Variants in CDH18 observed in about 807,000 individuals in gnomAD.
CDH18 encodes cadherin-18.
A neutral mutation model predicts 67.9 loss-of-function variants in CDH18; 31 were observed. The observed-to-expected ratio is 0.46, with a 90% CI of 0.34 to 0.62. The LOEUF is 0.62. Among genes scored for constraint, CDH18 ranks in the 20% least tolerant of loss-of-function variants. The probability of loss-of-function intolerance (pLI) is 0.01; values close to 1 mark genes in which losing one functional copy is unlikely to be tolerated. For synonymous variants in CDH18, 362 were observed against 347.2 expected (o/e 1.04, Z -0.48); for missense variants, 890 against 975.5 (o/e 0.91, Z 1.17).
chr5:20,540,183 T>C (rs1756974630), intron 1 of CDH18, among the ~76,000 whole-genome samples: 1 of 152,174 alleles, frequency 6.6e-6, no homozygotes, highest in Non-Finnish European at 1.5e-5. Flanking sequence ...TAGAGAGACT[T>C]GTGTCTTCTA....
chr5:19,737,985 A>C (rs1768578673), intron 4 of CDH18, among the ~76,000 whole-genome samples: 1 of 152,158 alleles, frequency 6.6e-6, no homozygotes, highest in Non-Finnish European at 1.5e-5. Context: ...TTATGTAATG[A>C]ATAAGAATGA....
At chr5:20,046,618 T>TATATATAAA (rs1276227482) in intron 2 of CDH18, among the ~76,000 whole-genome samples, 1 of 148,254 alleles carries the variant, frequency 6.7e-6, no homozygotes, top group Non-Finnish European at 1.5e-5. Context: ...TATTTTATAT[T>TATATATAAA]ATATATAAAA....
At chr5:19,682,475 G>A (rs1471730204) in intron 5 of CDH18, among the ~76,000 whole-genome samples, 1 of 151,982 alleles carries the variant, frequency 6.6e-6, no homozygotes, top group Non-Finnish European at 1.5e-5. Flanking sequence ...ACCTTCAGCT[G>A]AATGGTACCC....
chr5:20,024,852 G>T (rs1338806999), intron 2 of CDH18, among the ~76,000 whole-genome samples: 1 of 152,142 alleles, frequency 6.6e-6, no homozygotes, highest in Non-Finnish European at 1.5e-5. Context: ...AATTATTCCA[G>T]GGTCAGATCC....
At chr5:19,836,274 A>G (rs2150013836) in intron 3 of CDH18, among the ~76,000 whole-genome samples, 1 of 152,042 alleles carries the variant, frequency 6.6e-6, no homozygotes, top group Non-Finnish European at 1.5e-5. Context: ...ACTAATTTAC[A>G]CTCCCACCAA....
At chr5:20,301,472 G>A (rs1225305729) in intron 1 of CDH18, among the ~76,000 whole-genome samples, 1 of 152,084 alleles carries the variant, frequency 6.6e-6, no homozygotes, top group African/African-American at 2.4e-5. Context: ...AGTGGCCTGC[G>A]TTCTGAGTGC....
chr5:20,493,119 C>T (rs77906925), intron 1 of CDH18, among the ~76,000 whole-genome samples: 5,064 of 151,862 alleles, frequency 0.033, 278 homozygotes, highest in African/African-American at 0.11. Context: ...GAGGCCTAGG[C>T]GGACAGATCA....
chr5:19,857,670 T>G (rs1411752013), intron 2 of CDH18, among the ~76,000 whole-genome samples: 2 of 152,110 alleles, frequency 1.3e-5, no homozygotes, highest in African/African-American at 4.8e-5. Flanking sequence ...AATAAGTATA[T>G]AAACTGAATA....
At chr5:19,506,489 T>C (rs575876820) in intron 10 of CDH18, among the ~76,000 whole-genome samples, 38 of 152,232 alleles carry the variant, frequency 2.5e-4, no homozygotes, top group African/African-American at 7.0e-4. Context: ...GGAGGCATCA[T>C]GCTACCTGAC....
chr5:19,798,572 C>G (rs75044138), intron 3 of CDH18, among the ~76,000 whole-genome samples: 1 of 151,508 alleles, frequency 6.6e-6, no homozygotes, highest in Non-Finnish European at 1.5e-5. Context: ...TGCTTTTTTT[C>G]CCTCATATTT....
intron 3 of CDH18, among the ~76,000 whole-genome samples, chr5:19,800,532 G>T (rs1050712044): frequency 1.3e-5 from 2 of 152,204 alleles, no homozygotes; most frequent in Non-Finnish European, 1.5e-5. Flanking sequence ...GAAAGTAATT[G>T]TAACCTATTA....
At chr5:19,918,868 AC>A (rs1169786111) in intron 2 of CDH18, among the ~76,000 whole-genome samples, 2 of 151,294 alleles carry the variant, frequency 1.3e-5, no homozygotes, top group Non-Finnish European at 2.9e-5. Context: ...TTTATAAGAA[AC>A]CTCTTTCATG....
chr5:20,046,676 G>A (rs999466721), intron 2 of CDH18, among the ~76,000 whole-genome samples: 4 of 149,194 alleles, frequency 2.7e-5, no homozygotes, highest in African/African-American at 7.3e-5. Flanking sequence ...GTGTGTGTGT[G>A]TATATATATA....
intron 2 of CDH18, among the ~76,000 whole-genome samples, chr5:20,019,044 A>G (rs35930608): frequency 0.12 from 16,954 of 143,486 alleles, 3,123 homozygotes; most frequent in African/African-American, 0.38. Context: ...TGATCCGCCC[A>G]TCTCGGCCTC....
At chr5:20,516,794 G>A (rs545739419) in intron 1 of CDH18, among the ~76,000 whole-genome samples, 37 of 151,154 alleles carry the variant, frequency 2.4e-4, no homozygotes, top group Middle Eastern at 3.4e-3. Context: ...ATTTTTTTTC[G>A]GATTGCCGTA....
At chr5:19,898,301 G>A (rs1053704063) in intron 2 of CDH18, among the ~76,000 whole-genome samples, 12 of 151,710 alleles carry the variant, frequency 7.9e-5, no homozygotes, top group African/African-American at 2.7e-4. Flanking sequence ...CAAAATTGGT[G>A]GTCACATGAT....
At chr5:20,137,922 C>A (rs998347752) in intron 2 of CDH18, among the ~76,000 whole-genome samples, 1 of 152,072 alleles carries the variant, frequency 6.6e-6, no homozygotes, top group African/African-American at 2.4e-5. Context: ...TGAAACAACT[C>A]CAATCAATAG....
intron 2 of CDH18, among the ~76,000 whole-genome samples, chr5:19,931,284 T>C: frequency 6.6e-6 from 1 of 152,028 alleles, no homozygotes; most frequent in East Asian, 1.9e-4. Flanking sequence ...TCTGTCAAAA[T>C]AGTGTCAACT....
chr5:19,482,126 A>ATTTTTTTTTTTTTTTTTTTTTTTTTTTT (rs1442844391), intron 12 of CDH18, among the ~76,000 whole-genome samples: 3 of 151,480 alleles, frequency 2.0e-5, no homozygotes, highest in Admixed American at 2.0e-4. Context: ...TATTATTATT[A>ATTTTTTTTTTTTTTTTTTTTTTTTTTTT]TTTTTTTGAG....
Sources: allele counts gnomAD v4.1 joint callset (sites outside exome capture counted in the v4.1 genomes callset), GRCh38; gene constraint gnomAD v4.1.1; transcripts MANE v1.5; gene names NCBI Gene and HGNC (gene_info 2026-07-23, HGNC 2026-07-21).